RCAN2: variants seen among roughly 807,000 people sequenced by gnomAD.
The protein encoded by RCAN2 is regulator of calcineurin 2.
In RCAN2, 9 loss-of-function variants were observed where a neutral mutation model predicts 23.6. The observed-to-expected ratio is 0.38, with a 90% CI of 0.23 to 0.67. The LOEUF (loss-of-function observed/expected upper bound fraction) is 0.67. Among genes scored for constraint, RCAN2 ranks in the 30% least tolerant of loss-of-function variants. RCAN2 has a pLI of 0.51. For synonymous variants in RCAN2, 109 were observed against 115.7 expected (o/e 0.94, Z 0.37); for missense variants, 273 against 302.3 (o/e 0.90, Z 0.72).
chr6:46,392,250 G>A (rs937676110), intron 2 of RCAN2, among the ~76,000 whole-genome samples: 2 of 152,166 alleles, frequency 1.3e-5, no homozygotes, highest in African/African-American at 4.8e-5. Context: ...GGGCTTGAAA[G>A]TTCTATCATA....
At chr6:46,403,877 A>G (rs2150404264) in intron 2 of RCAN2, among the ~76,000 whole-genome samples, 1 of 152,196 alleles carries the variant, frequency 6.6e-6, no homozygotes, top group East Asian at 1.9e-4. Flanking sequence ...CGATGAGGTG[A>G]GGTTGGATCC....
intron 1 of RCAN2, chr6:46,468,938 G>C: frequency 1.4e-6 from 1 of 703,844 alleles, no homozygotes; most frequent in East Asian, 1.3e-4. Context: ...ATTTGCTCTT[G>C]ATCTGAAAGT....
intron 2 of RCAN2, among the ~76,000 whole-genome samples, chr6:46,251,722 A>T (rs1194928413): frequency 6.6e-6 from 1 of 152,194 alleles, no homozygotes; most frequent in Non-Finnish European, 1.5e-5. Flanking sequence ...TTTTAGGCTT[A>T]GAGGGTGCTG....
chr6:46,282,736 A>G (rs1243994362), intron 2 of RCAN2, among the ~76,000 whole-genome samples: 1 of 152,220 alleles, frequency 6.6e-6, no homozygotes, highest in African/African-American at 2.4e-5. Context: ...ATTGATGGCC[A>G]AAGTGTACAG....
At chr6:46,416,233 C>G (rs1766712953) in intron 2 of RCAN2, among the ~76,000 whole-genome samples, 1 of 151,530 alleles carries the variant, frequency 6.6e-6, no homozygotes, top group Admixed American at 6.6e-5. Flanking sequence ...ATTAAGTGAG[C>G]TAAGGGCTAA....
intron 2 of RCAN2, among the ~76,000 whole-genome samples, chr6:46,438,933 A>G (rs972640450): frequency 3.3e-5 from 5 of 152,202 alleles, no homozygotes; most frequent in Admixed American, 2.6e-4. Context: ...TAGTGTATTT[A>G]TAAGTCACTG....
chr6:46,300,582 A>G (rs1277170737), intron 2 of RCAN2, among the ~76,000 whole-genome samples: 1 of 152,036 alleles, frequency 6.6e-6, no homozygotes, highest in Non-Finnish European at 1.5e-5. Context: ...CATATGCTCT[A>G]TTGTTACCAA....
At chr6:46,263,732 TA>T (rs55819293) in intron 2 of RCAN2, among the ~76,000 whole-genome samples, 450 of 145,512 alleles carry the variant, frequency 3.1e-3, no homozygotes, top group South Asian at 0.011. Flanking sequence ...ATGTTGTTTC[TA>T]AAAAAAAAAA....
At chr6:46,252,867 T>A (rs1340121079) in intron 2 of RCAN2, among the ~76,000 whole-genome samples, 1 of 152,180 alleles carries the variant, frequency 6.6e-6, no homozygotes, top group Admixed American at 6.6e-5. Context: ...GGGTGGAGTA[T>A]TTTAACAGCC....
rs1765460959 is a variant in RCAN2, at chr6:46,221,094, T to C, written c.*2047A>G. 1 of 152,522 alleles carries C rather than the reference T, an allele frequency of 6.6e-6. No homozygotes were observed. Among genetic ancestry groups the C allele is most frequent in the South Asian group, 2.1e-4 (1 of 4,828 alleles). The allele number at this position is 152,522 out of a possible 1,614,324, so 9.4% of individuals were successfully genotyped here. On this transcript the variant is annotated 3_prime_UTR_variant, in exon 5 of 5. Transcript: ENST00000371374. ...TTACTAAGACTAACTCCAGAGGCCA[T>C]ACACTTCATTGTGTTTCTTTTATGA...
rs559323063 is a variant in RCAN2, at chr6:46,426,397, A to G, written c.225+30355T>C. Among the ~76,000 whole-genome samples the G allele has an allele frequency of 2.6e-4, 40 of 152,332 alleles. 1 individual carries two copies. In the East Asian group the frequency reaches 6.6e-3, roughly 25 times the overall value. ...GTGTTCCTGTAATAAAATTATTATT[A>G]AAGACACAGGAATTTTTGGATAAAT... On this transcript the variant is annotated intron_variant, in intron 2 of 4. Transcript: ENST00000371374.
chr6:46,347,318 A>G (rs1410206578), intron 2 of RCAN2, among the ~76,000 whole-genome samples: 2 of 152,224 alleles, frequency 1.3e-5, no homozygotes, highest in African/African-American at 4.8e-5. Context: ...TCCTGGGTGG[A>G]CACATGTAAT....
chr6:46,286,820 T>C (rs1000959197), intron 2 of RCAN2, among the ~76,000 whole-genome samples: 31 of 151,494 alleles, frequency 2.0e-4, no homozygotes, highest in African/African-American at 7.0e-4. Flanking sequence ...CTGACCAACA[T>C]GGAAAAACCC....
chr6:46,444,244 G>C (rs1353350092), intron 2 of RCAN2, among the ~76,000 whole-genome samples: 1 of 152,140 alleles, frequency 6.6e-6, no homozygotes, highest in Non-Finnish European at 1.5e-5. Context: ...TGTGGGCTAG[G>C]AGGCTCTCCT....
At chr6:46,330,360 A>T (rs1174813059) in intron 2 of RCAN2, among the ~76,000 whole-genome samples, 1 of 152,106 alleles carries the variant, frequency 6.6e-6, no homozygotes, top group Non-Finnish European at 1.5e-5. Context: ...CAAGCCTGAA[A>T]ACCACAGCTC....
intron 2 of RCAN2, among the ~76,000 whole-genome samples, chr6:46,274,419 A>G (rs1465021141): frequency 6.6e-6 from 1 of 152,216 alleles, no homozygotes; most frequent in East Asian, 1.9e-4. Flanking sequence ...ATTTGCAGAA[A>G]CAGTTGTTCC....
chr6:46,371,037 A>G (rs749906465), intron 2 of RCAN2, among the ~76,000 whole-genome samples: 9 of 152,228 alleles, frequency 5.9e-5, no homozygotes, highest in Non-Finnish European at 8.8e-5. Context: ...AGAAGGGGAC[A>G]GTGCATACAC....
chr6:46,441,507 T>C (rs1767545547), intron 2 of RCAN2, among the ~76,000 whole-genome samples: 1 of 152,212 alleles, frequency 6.6e-6, no homozygotes, highest in Admixed American at 6.5e-5. Flanking sequence ...TAATACATTA[T>C]ACTAAATAAT....
chr6:46,226,408 T>C (rs932030827), intron 4 of RCAN2, among the ~76,000 whole-genome samples: 5 of 152,240 alleles, frequency 3.3e-5, no homozygotes, highest in African/African-American at 1.2e-4. Context: ...TGATTCTTCC[T>C]ATCCATGAGC....
Sources: allele counts gnomAD v4.1 joint callset (sites outside exome capture counted in the v4.1 genomes callset), GRCh38; gene constraint gnomAD v4.1.1; transcripts MANE v1.5; gene names NCBI Gene and HGNC (gene_info 2026-07-23, HGNC 2026-07-21).